LRMDA: variants seen among roughly 807,000 people sequenced by gnomAD.
The protein encoded by LRMDA is leucine-rich melanocyte differentiation-associated protein.
LRMDA carries 18 observed loss-of-function variants against 29.8 expected under a neutral mutation model. That is an observed-to-expected ratio of 0.60 (90% CI 0.42 to 0.90). LRMDA has a LOEUF of 0.90. Among genes scored for constraint, LRMDA ranks in the 40% least tolerant of loss-of-function variants. The pLI, the probability that LRMDA is intolerant of heterozygous loss-of-function variation, is 0.00. For synonymous variants in LRMDA, 125 were observed against 109.4 expected, an observed-to-expected ratio of 1.14 and a Z score of -0.89; for missense variants, 273 against 273.9, an observed-to-expected ratio of 1.00 and a Z score of 0.02.
chr10:76,155,878 G>C (rs546288333), intron 5 of LRMDA, among the ~76,000 whole-genome samples: 18 of 152,142 alleles, frequency 1.2e-4, no homozygotes, highest in African/African-American at 4.1e-4. Flanking sequence ...ACTAGAAATA[G>C]GAAAAGTATT....
At chr10:75,730,581 T>C (rs1842684659) in intron 2 of LRMDA, among the ~76,000 whole-genome samples, 1 of 152,182 alleles carries the variant, frequency 6.6e-6, no homozygotes, top group Non-Finnish European at 1.5e-5. Context: ...TCATCCCACT[T>C]CCTGTCTCTC....
intron 2 of LRMDA, among the ~76,000 whole-genome samples, chr10:75,968,571 A>C (rs1846908515): frequency 6.6e-6 from 1 of 152,194 alleles, no homozygotes; most frequent in Non-Finnish European, 1.5e-5. Flanking sequence ...ATACTTTCTA[A>C]AAAACAGCAT....
chr10:76,035,096 G>GTT (rs397847311), intron 2 of LRMDA, among the ~76,000 whole-genome samples: 51 of 138,052 alleles, frequency 3.7e-4, no homozygotes, highest in Middle Eastern at 7.5e-3. Flanking sequence ...CCTTTCTGCT[G>GTT]TTTTTTTTTT....
intron 6 of LRMDA, among the ~76,000 whole-genome samples, chr10:76,479,012 C>T (rs1016546639): frequency 4.0e-5 from 6 of 151,102 alleles, no homozygotes; most frequent in African/African-American, 7.3e-5. Context: ...CAAACCTGCA[C>T]GTTGTACACA....
At chr10:75,534,496 T>C (rs752374583) in intron 2 of LRMDA, among the ~76,000 whole-genome samples, 3 of 152,232 alleles carry the variant, frequency 2.0e-5, no homozygotes, top group Non-Finnish European at 4.4e-5. Flanking sequence ...CAGGGGGGGA[T>C]TCTAGGTTTA....
At chr10:75,655,617 T>C (rs921296284) in intron 2 of LRMDA, among the ~76,000 whole-genome samples, 2 of 152,106 alleles carry the variant, frequency 1.3e-5, no homozygotes, top group African/African-American at 4.8e-5. Flanking sequence ...TTGGAGTCAG[T>C]CACAATGAAC....
chr10:75,576,738 C>T (rs1311752293), intron 2 of LRMDA, among the ~76,000 whole-genome samples: 1 of 152,180 alleles, frequency 6.6e-6, no homozygotes, highest in East Asian at 1.9e-4. Flanking sequence ...CAGTGATACC[C>T]AGGCAAACAG....
intron 6 of LRMDA, among the ~76,000 whole-genome samples, chr10:76,340,780 C>T: frequency 6.6e-6 from 1 of 152,044 alleles, no homozygotes; most frequent in East Asian, 1.9e-4. Context: ...AACAACAACA[C>T]AGAGCGCAAT....
At chr10:76,552,776 G>A (rs1304720413) in intron 6 of LRMDA, among the ~76,000 whole-genome samples, 1 of 152,088 alleles carries the variant, frequency 6.6e-6, no homozygotes, top group Non-Finnish European at 1.5e-5. Flanking sequence ...GGAAGTGTGA[G>A]GCCATCCAGG....
intron 6 of LRMDA, among the ~76,000 whole-genome samples, chr10:76,417,838 A>G (rs1272165796): frequency 6.6e-6 from 1 of 152,206 alleles, no homozygotes; most frequent in Non-Finnish European, 1.5e-5. Flanking sequence ...ATTTAGAACT[A>G]CAGTACACCT....
intron 5 of LRMDA, among the ~76,000 whole-genome samples, chr10:76,185,651 T>A (rs960559810): frequency 2.0e-5 from 3 of 152,226 alleles, no homozygotes; most frequent in African/African-American, 7.2e-5. Context: ...AGCGTTGGTG[T>A]CCTCTTGTCC....
intron 2 of LRMDA, among the ~76,000 whole-genome samples, chr10:75,669,755 G>C (rs1841868295): frequency 6.6e-6 from 1 of 152,090 alleles, no homozygotes; most frequent in Non-Finnish European, 1.5e-5. Context: ...ACTTTTTGGT[G>C]ACACTATATC....
At chr10:75,794,945 AT>A (rs71024565) in intron 2 of LRMDA, among the ~76,000 whole-genome samples, 75,389 of 147,408 alleles carry the variant, frequency 0.51, 22,492 homozygotes, top group Non-Finnish European at 0.65. Flanking sequence ...CCTATTTATC[AT>A]TTTTTTTTTT....
At chr10:75,765,214 CTT>C (rs75491344) in intron 2 of LRMDA, among the ~76,000 whole-genome samples, 6 of 145,408 alleles carry the variant, frequency 4.1e-5, no homozygotes, top group South Asian at 2.2e-4. Context: ...TGTTAGGTGT[CTT>C]TTTTTTTTTT....
chr10:75,952,586 C>T (rs912032459), intron 2 of LRMDA, among the ~76,000 whole-genome samples: 1 of 152,008 alleles, frequency 6.6e-6, no homozygotes, highest in Non-Finnish European at 1.5e-5. Flanking sequence ...TGAGTAGAGG[C>T]CTCACTAAGG....
At chr10:75,509,770 C>A (rs1477908026) in intron 2 of LRMDA, among the ~76,000 whole-genome samples, 1 of 152,242 alleles carries the variant, frequency 6.6e-6, no homozygotes, top group Non-Finnish European at 1.5e-5. Flanking sequence ...GTTTCTCTAT[C>A]TGCAAAATAA....
intron 2 of LRMDA, among the ~76,000 whole-genome samples, chr10:75,959,122 T>C (rs1022886274): frequency 7.2e-5 from 11 of 152,278 alleles, no homozygotes; most frequent in African/African-American, 2.6e-4. Context: ...TAAGAGTAAG[T>C]GGCAGATCTG....
At chr10:75,522,511 C>G (rs1401609005) in intron 2 of LRMDA, among the ~76,000 whole-genome samples, 3 of 152,202 alleles carry the variant, frequency 2.0e-5, no homozygotes, top group Non-Finnish European at 4.4e-5. Flanking sequence ...GGTACACCTT[C>G]CTGGCCACCA....
chr10:76,319,890 A>G (rs1299282869), intron 5 of LRMDA, among the ~76,000 whole-genome samples: 1 of 152,154 alleles, frequency 6.6e-6, no homozygotes, highest in African/African-American at 2.4e-5. Context: ...GTATTTTGTG[A>G]AAAACAGTGG....
Sources: allele counts gnomAD v4.1 joint callset (sites outside exome capture counted in the v4.1 genomes callset), GRCh38; gene constraint gnomAD v4.1.1; transcripts MANE v1.5; gene names NCBI Gene and HGNC (gene_info 2026-07-23, HGNC 2026-07-21).